Variants in CSPP1 observed in about 807,000 individuals in gnomAD.
CSPP1 encodes the protein centrosome and spindle pole-associated protein 1.
A neutral mutation model predicts 164.4 loss-of-function variants in CSPP1; 126 were observed. The observed-to-expected ratio is 0.77, with a 90% CI of 0.66 to 0.89. CSPP1 has a LOEUF of 0.89. Ranked by LOEUF, CSPP1 falls within the 40% of genes least tolerant of loss-of-function variation. The probability of loss-of-function intolerance (pLI) is 0.00; values close to 1 mark genes in which losing one functional copy is unlikely to be tolerated. For missense variants in CSPP1, 1,395 were observed against 1,449.8 expected (o/e 0.96, Z 0.61); for synonymous variants, 472 against 476.7 (o/e 0.99, Z 0.13).
At chr8:67,162,614 C>T (rs1404424816) in intron 22 of CSPP1, among the ~76,000 whole-genome samples, 1 of 151,904 alleles carries the variant, frequency 6.6e-6, no homozygotes, top group Non-Finnish European at 1.5e-5. Context: ...ATGACATGGC[C>T]ACTTTTGTAT....
At chr8:67,090,007 T>G (rs982823175) in intron 4 of CSPP1, among the ~76,000 whole-genome samples, 4 of 152,142 alleles carry the variant, frequency 2.6e-5, no homozygotes, top group South Asian at 2.1e-4. Context: ...TCAAACATCA[T>G]TCTTGACCCA....
Position 67,193,337 on chromosome 8 carries a change from T to A in CSPP1, c.3331-127T>A, listed in dbSNP as rs931554437. Reference sequence around the variant, plus strand: ...GTCTTGAACTCCTGACTTCAGGTGATCTGCCCACCTCGGCTTCCCAAAGTG... The same window carrying A: ...GTCTTGAACTCCTGACTTCAGGTGAACTGCCCACCTCGGCTTCCCAAAGTG... On this transcript the variant is annotated intron_variant, in intron 29 of 30. Transcript: ENST00000678616. 10 of 656,636 alleles carry A rather than the reference T, an allele frequency of 1.5e-5. No homozygotes were observed. The Admixed American group carries it at 2.5e-4, about 16-fold the overall frequency. The allele number at this position is 656,636 out of a possible 1,614,324, so 40.7% of individuals were successfully genotyped here.
chr8:67,167,598 G>A (rs556941176), intron 24 of CSPP1, among the ~76,000 whole-genome samples: 62 of 151,896 alleles, frequency 4.1e-4, no homozygotes, highest in Non-Finnish European at 8.1e-4. Context: ...CTGCCGGGCG[G>A]AGGGGCTCCT....
intron 16 of CSPP1, among the ~76,000 whole-genome samples, chr8:67,136,222 G>A (rs1822235287): frequency 6.6e-6 from 1 of 152,102 alleles, no homozygotes; most frequent in Non-Finnish European, 1.5e-5. Flanking sequence ...TTGGAAAAAT[G>A]GTACTGATAG....
At chr8:67,106,074 ATAG>A (rs1815459678) in intron 9 of CSPP1, 99 bp downstream of exon 9, 5 of 657,862 alleles carry the variant, frequency 7.6e-6, no homozygotes, top group Non-Finnish European at 1.1e-5. Context: ...ATTTTTACTA[ATAG>A]TAGAAAATAT....
At chr8:67,086,794 T>C in intron 4 of CSPP1, 2 of 1,322,262 alleles carry the variant, frequency 1.5e-6, no homozygotes, top group Non-Finnish European at 2.0e-6. Context: ...TAATACACTT[T>C]GTCAATGGTT....
chr8:67,105,152 A>G (rs988675926), intron 8 of CSPP1, among the ~76,000 whole-genome samples: 2 of 149,840 alleles, frequency 1.3e-5, no homozygotes, highest in Admixed American at 1.3e-4. Flanking sequence ...CTGCCTCCCA[A>G]GTAGCTGGGA....
intron 29 of CSPP1, 58 bp downstream of exon 29, chr8:67,190,817 T>A: frequency 4.1e-6 from 5 of 1,225,590 alleles, no homozygotes; most frequent in Non-Finnish European, 6.0e-6. Context: ...GTCTGGGTTC[T>A]GACCTGTGCT....
chr8:67,104,954 A>ATATG (rs1329059114), intron 8 of CSPP1, among the ~76,000 whole-genome samples: 8 of 101,272 alleles, frequency 7.9e-5, no homozygotes, highest in African/African-American at 3.7e-4. Flanking sequence ...ATGCACATAT[A>ATATG]TATATATATA....
At chr8:67,169,477 G>A (rs549055075) in intron 24 of CSPP1, among the ~76,000 whole-genome samples, 14 of 152,122 alleles carry the variant, frequency 9.2e-5, no homozygotes, top group Admixed American at 2.6e-4. Flanking sequence ...ACGGAGTCTC[G>A]CTCTGTCACC....
chr8:67,094,867 C>T (rs1020745940), intron 6 of CSPP1, among the ~76,000 whole-genome samples: 1 of 152,184 alleles, frequency 6.6e-6, no homozygotes, highest in Admixed American at 6.5e-5. Context: ...TCTTCCTGAC[C>T]TGACTTCTAT....
chr8:67,154,154 C>A lies in CSPP1; in HGVS notation c.2241+18C>A. ...GTTTCCAGGTGAAATGCTATTTGAT[C>A]AGTTTCAAAGTTTCATGAGATTTTA... On this transcript the variant is annotated intron_variant, in intron 19 of 30. Coordinates refer to ENST00000678616, the MANE Select transcript of CSPP1 (RefSeq NM_001382391.1). 1.7e-6 allele frequency: 2 copies of A among 1,176,300 alleles called. No individual in the cohort carries two copies. Among genetic ancestry groups the A allele is most frequent in the Non-Finnish European group, 2.5e-6 (2 of 786,262 alleles). The allele number at this position is 1,176,300 out of a possible 1,614,324, so 72.9% of individuals were successfully genotyped here.
chr8:67,097,379 T>G (rs1012420976), intron 7 of CSPP1, among the ~76,000 whole-genome samples: 4 of 152,160 alleles, frequency 2.6e-5, no homozygotes, highest in Admixed American at 2.6e-4. Flanking sequence ...TTTAGGTAAT[T>G]TGAATGAAGG....
chr8:67,153,618 A>G (rs1050987585), intron 18 of CSPP1, among the ~76,000 whole-genome samples: 3 of 152,078 alleles, frequency 2.0e-5, no homozygotes, highest in Admixed American at 6.6e-5. Flanking sequence ...TTTTAAATAT[A>G]TGTTACATAA....
At chr8:67,184,358 A>G (rs1204829933) in intron 28 of CSPP1, among the ~76,000 whole-genome samples, 2 of 152,236 alleles carry the variant, frequency 1.3e-5, no homozygotes, top group East Asian at 3.8e-4. Context: ...GAGAAAATCA[A>G]TGAAACCAAG....
Position 67,074,250 on chromosome 8 carries a change from A to C in CSPP1, c.-3A>C. 1 of 1,604,126 alleles carries C rather than the reference A, an allele frequency of 6.2e-7. No homozygotes were observed. The highest frequency in any genetic ancestry group is 1.1e-5 in the South Asian group (1 of 89,476). ...TGAAATTTTTTTTTAAAGAATCTGCAAAATGGCTGATAATTTGGATGAATT... is the reference window on the plus strand; with the variant it reads ...TGAAATTTTTTTTTAAAGAATCTGCCAAATGGCTGATAATTTGGATGAATT... On this transcript the variant is annotated 5_prime_UTR_variant, in exon 2 of 31. Coordinates refer to ENST00000678616, the MANE Select transcript of CSPP1 (RefSeq NM_001382391.1).
chr8:67,139,286 C>T (rs1450260865), intron 17 of CSPP1, among the ~76,000 whole-genome samples: 1 of 152,140 alleles, frequency 6.6e-6, no homozygotes, highest in Admixed American at 6.5e-5. Context: ...ATCAAAACCA[C>T]AATGAGATAC....
chr8:67,151,132 T>C (rs1353359490), intron 18 of CSPP1, among the ~76,000 whole-genome samples: 5 of 152,200 alleles, frequency 3.3e-5, no homozygotes, highest in African/African-American at 4.8e-5. Flanking sequence ...TTGAACAGTT[T>C]AAGAGATGGA....
At chr8:67,092,018 A>T (rs1811713117) in intron 5 of CSPP1, 135 bp downstream of exon 5, 1 of 265,628 alleles carries the variant, frequency 3.8e-6, no homozygotes, top group African/African-American at 2.3e-5. Flanking sequence ...CTATTTCAAA[A>T]ATCCGTGGAG....
Sources: allele counts gnomAD v4.1 joint callset (sites outside exome capture counted in the v4.1 genomes callset), GRCh38; gene constraint gnomAD v4.1.1; transcripts MANE v1.5; gene names NCBI Gene and HGNC (gene_info 2026-07-23, HGNC 2026-07-21).